The following ADAM23 variants were observed in gnomAD, a reference collection of about 807,000 sequenced individuals.
The protein encoded by ADAM23 is disintegrin and metalloproteinase domain-containing protein 23.
A neutral mutation model predicts 120.1 loss-of-function variants in ADAM23; 33 were observed. That is an observed-to-expected ratio of 0.27 (90% CI 0.21 to 0.37). The LOEUF (loss-of-function observed/expected upper bound fraction) is 0.37, where lower values mean the gene tolerates loss of function less well. Among genes scored for constraint, ADAM23 ranks in the 10% least tolerant of loss-of-function variants. The pLI is 1.00. For synonymous variants in ADAM23, 367 were observed against 375.2 expected, an observed-to-expected ratio of 0.98 and a Z score of 0.25; for missense variants, 862 against 1,058.2, an observed-to-expected ratio of 0.81 and a Z score of 2.57.
intron 3 of ADAM23, among the ~76,000 whole-genome samples, chr2:206,502,074 T>C (rs1020295158): frequency 6.6e-6 from 1 of 152,158 alleles, no homozygotes; most frequent in Non-Finnish European, 1.5e-5. Flanking sequence ...TAACTTCCTT[T>C]GCCTTGATTT....
At chr2:206,574,968 T>C (rs1698083062) in intron 18 of ADAM23, among the ~76,000 whole-genome samples, 1 of 152,170 alleles carries the variant, frequency 6.6e-6, no homozygotes. Context: ...CTTGCTCTTG[T>C]GGAACCTACA....
intron 2 of ADAM23, among the ~76,000 whole-genome samples, chr2:206,467,594 C>T (rs1695566055): frequency 6.6e-6 from 1 of 152,202 alleles, no homozygotes; most frequent in Admixed American, 6.5e-5. Flanking sequence ...TAAGGGCTGG[C>T]ATTGAGTGCC....
intron 2 of ADAM23, among the ~76,000 whole-genome samples, chr2:206,467,600 G>A (rs1574482662): frequency 6.6e-6 from 1 of 152,332 alleles, no homozygotes. Context: ...CTGGCATTGA[G>A]TGCCTGTGGC....
rs557834850 is a variant in ADAM23, at chr2:206,537,439, C to A, written c.574-4613C>A. ...CAGTGTATGAGTAAGGGAGGGTGGGCCCTGCAGAAGTCAGTCAGAGTCTGG... is the reference window on the plus strand; with the variant it reads ...CAGTGTATGAGTAAGGGAGGGTGGGACCTGCAGAAGTCAGTCAGAGTCTGG... On this transcript the variant is annotated intron_variant, in intron 4 of 25. Coordinates refer to ENST00000264377, the MANE Select transcript of ADAM23 (RefSeq NM_003812.4). 2.6e-5 allele frequency among the ~76,000 whole-genome samples: 4 copies of A among 152,038 alleles called. No homozygotes were observed. In the South Asian group the frequency reaches 8.3e-4, roughly 32 times the overall value.
chr2:206,447,148 T>C (rs1695097778), intron 2 of ADAM23, among the ~76,000 whole-genome samples: 1 of 152,206 alleles, frequency 6.6e-6, no homozygotes, highest in African/African-American at 2.4e-5. Context: ...AGTTTAACCT[T>C]ATGTGGCTGT....
At chr2:206,468,437 G>A (rs1019970304) in intron 2 of ADAM23, among the ~76,000 whole-genome samples, 3 of 152,072 alleles carry the variant, frequency 2.0e-5, no homozygotes, top group Non-Finnish European at 2.9e-5. Flanking sequence ...AAAGTTCCAT[G>A]GATCCCCAAG....
At chr2:206,466,335 T>A (rs981062220) in intron 2 of ADAM23, among the ~76,000 whole-genome samples, 3 of 152,210 alleles carry the variant, frequency 2.0e-5, no homozygotes, top group Admixed American at 6.5e-5. Flanking sequence ...TGGACTTGAA[T>A]TCTTTTTGGG....
chr2:206,587,525 G>T, intron 19 of ADAM23, 150 bp downstream of exon 19: 1 of 539,112 alleles, frequency 1.9e-6, no homozygotes, highest in South Asian at 3.6e-5. Flanking sequence ...GTTGCTTCAT[G>T]TTATGCCAAA....
At chr2:206,524,703 T>TA (rs985533694) in intron 3 of ADAM23, among the ~76,000 whole-genome samples, 5 of 152,170 alleles carry the variant, frequency 3.3e-5, no homozygotes, top group Non-Finnish European at 7.4e-5. Context: ...TCGTGAGACT[T>TA]ACTCACTACC....
intron 9 of ADAM23, among the ~76,000 whole-genome samples, 177 bp downstream of exon 9, chr2:206,550,337 C>A (rs967190232): frequency 6.6e-6 from 1 of 152,070 alleles, no homozygotes; most frequent in Non-Finnish European, 1.5e-5. Flanking sequence ...ATTTTCACAA[C>A]TCTAAACTTT....
rs560768243 is a variant in ADAM23 at position 206,517,271 on chromosome 2, G to C, written c.510-13614G>C. Reference sequence around the variant, plus strand: ...CACAGATACTTATCTGCAAAAGATAGAGACAGAAAGTAGCCCGAGTCTCAA... The same window carrying C: ...CACAGATACTTATCTGCAAAAGATACAGACAGAAAGTAGCCCGAGTCTCAA... On this transcript the variant is annotated intron_variant, in intron 3 of 25. Transcript: ENST00000264377. 2.9e-4 allele frequency among the ~76,000 whole-genome samples: 44 copies of C among 152,260 alleles called. 1 individual carries two copies. The highest frequency in any genetic ancestry group is 1.5e-3 in the South Asian group (7 of 4,822).
Position 206,550,105 on chromosome 2 carries a change from G to A in ADAM23, c.878G>A (p.Gly293Asp). The A allele has an allele frequency of 1.3e-6, 2 of 1,573,640 alleles. No homozygotes were observed. The highest frequency in any genetic ancestry group is 1.1e-5 in the South Asian group (1 of 88,862). Reference sequence around the variant, plus strand: ...TTTTATTTTCCGTAGCCATCACGTGGTATATTTGAAGAAATGAAATATTTG... The same window carrying A: ...TTTTATTTTCCGTAGCCATCACGTGATATATTTGAAGAAATGAAATATTTG... ...RRKRAVNPSR[G>D]IFEEMKYLEL... is the part of the protein sequence containing the mutation. Residue 293 changes from glycine to aspartate, a missense_variant, in exon 9 of 26, where the codon GGT becomes GAT. Gly to Asp is a moderately conservative substitution (Grantham distance 94, BLOSUM62 -1). Coordinates refer to ENST00000264377, the MANE Select transcript of ADAM23 (RefSeq NM_003812.4).
chr2:206,516,680 G>T (rs1457355794), intron 3 of ADAM23, among the ~76,000 whole-genome samples: 1 of 152,078 alleles, frequency 6.6e-6, no homozygotes, highest in Non-Finnish European at 1.5e-5. Flanking sequence ...CCATCTCCTA[G>T]TACCATCACA....
intron 2 of ADAM23, among the ~76,000 whole-genome samples, chr2:206,465,129 T>C (rs915849497): frequency 2.0e-5 from 3 of 152,154 alleles, no homozygotes; most frequent in Non-Finnish European, 4.4e-5. Flanking sequence ...CGCCGTAGCC[T>C]CAAACTTTTG....
intron 3 of ADAM23, among the ~76,000 whole-genome samples, chr2:206,515,366 A>G (rs1696708825): frequency 6.6e-6 from 1 of 152,148 alleles, no homozygotes; most frequent in African/African-American, 2.4e-5. Flanking sequence ...GGCACGGGAT[A>G]ATTTCCCTTG....
chr2:206,596,212 T>A, intron 24 of ADAM23, 50 bp downstream of exon 24: 3 of 1,357,594 alleles, frequency 2.2e-6, no homozygotes, highest in Non-Finnish European at 3.1e-6. Context: ...TCGTTGACAC[T>A]GTTCCAATGC....
At chr2:206,617,479 A>G (rs1423064408) in intron 25 of ADAM23, 100 bp from the exon 26 acceptor site, 4 of 1,324,190 alleles carry the variant, frequency 3.0e-6, no homozygotes, top group Non-Finnish European at 4.0e-6. Context: ...CTCTGGAACT[A>G]GCATTATTGT....
At chr2:206,582,446 G>A (rs184241810) in intron 18 of ADAM23, among the ~76,000 whole-genome samples, 1 of 152,252 alleles carries the variant, frequency 6.6e-6, no homozygotes, top group African/African-American at 2.4e-5. Flanking sequence ...TGTGTCAGGT[G>A]AGTCTCCTGA....
rs151003081 is a variant in ADAM23, at chr2:206,530,361, G to T, written c.510-524G>T. 1.7e-3 allele frequency among the ~76,000 whole-genome samples: 258 copies of T among 152,272 alleles called. 1 individual carries two copies. Among genetic ancestry groups the T allele is most frequent in the African/African-American group, 5.8e-3 (240 of 41,556 alleles). On this transcript the variant is annotated intron_variant, in intron 3 of 25. Transcript: ENST00000264377. The stretch of plus-strand genomic sequence containing the variant: ...CTGGCCTTTATAGAAAACCCTTGCT[G>T]ACCTTTGCTTTATACTCTTCCTTGG...
Sources: gnomAD v4.1 joint callset for allele counts (sites outside exome capture counted in the v4.1 genomes callset) on GRCh38, gnomAD v4.1.1 for gene constraint, MANE v1.5 for transcripts, NCBI Gene and HGNC (gene_info 2026-07-23, HGNC 2026-07-21) for gene names.